The following AGBL1 variants were observed in gnomAD, a reference collection of about 807,000 sequenced individuals.
AGBL1 encodes cytosolic carboxypeptidase 4.
In AGBL1, 130 loss-of-function variants were observed where a neutral mutation model predicts 118.9. The observed-to-expected ratio is 1.09, with a 90% CI of 0.95 to 1.26. The LOEUF is 1.26. AGBL1 is among the 50% of genes most tolerant of loss of function. The pLI, the probability that AGBL1 is intolerant of heterozygous loss-of-function variation, is 0.00. For synonymous variants in AGBL1, 555 were observed against 478.9 expected (o/e 1.16, Z -2.08); for missense variants, 1,584 against 1,298.1 (o/e 1.22, Z -3.38).
intron 22 of AGBL1, among the ~76,000 whole-genome samples, chr15:86,753,797 C>T (rs1276427400): frequency 6.6e-6 from 1 of 152,100 alleles, no homozygotes; most frequent in Non-Finnish European, 1.5e-5. Flanking sequence ...AGGTTAAACT[C>T]TGAATGTCAG....
intron 21 of AGBL1, among the ~76,000 whole-genome samples, chr15:86,578,851 C>T (rs1474721780): frequency 6.6e-6 from 1 of 152,172 alleles, no homozygotes; most frequent in South Asian, 2.1e-4. Context: ...GTCCAACAAA[C>T]CTCTTTCTTT....
intron 5 of AGBL1, among the ~76,000 whole-genome samples, chr15:86,173,044 C>G (rs919194106): frequency 7.9e-5 from 12 of 151,958 alleles, no homozygotes; most frequent in African/African-American, 2.9e-4. Flanking sequence ...AACAGCCATT[C>G]TAACTAAAGT....
chr15:86,757,559 G>A (rs1011454137), intron 22 of AGBL1, among the ~76,000 whole-genome samples: 1 of 152,080 alleles, frequency 6.6e-6, no homozygotes, highest in Non-Finnish European at 1.5e-5. Flanking sequence ...GCTCAGTGGG[G>A]TTAAGTGACT....
chr15:86,110,534 G>GTCTTGC (rs1431300985), intron 1 of AGBL1, among the ~76,000 whole-genome samples: 1 of 152,068 alleles, frequency 6.6e-6, no homozygotes, highest in African/African-American at 2.4e-5. Context: ...GGCGGGGTTG[G>GTCTTGC]TCTTGCTGTC....
chr15:86,757,317 C>CT (rs1282430798), intron 22 of AGBL1, among the ~76,000 whole-genome samples: 2 of 152,016 alleles, frequency 1.3e-5, no homozygotes, highest in Non-Finnish European at 2.9e-5. Flanking sequence ...CACAGCACTG[C>CT]TACAGGTAGG....
chr15:86,574,631 G>T (rs901258793), intron 21 of AGBL1, among the ~76,000 whole-genome samples: 8 of 134,436 alleles, frequency 6.0e-5, no homozygotes, highest in African/African-American at 2.0e-4. Context: ...AGGCTGGAGT[G>T]CGATGGTGTG....
intron 24 of AGBL1, among the ~76,000 whole-genome samples, chr15:87,003,668 C>G (rs998345337): frequency 2.0e-5 from 3 of 150,102 alleles, no homozygotes; most frequent in Non-Finnish European, 3.0e-5. Flanking sequence ...TGTTATTGGT[C>G]TATTCAGAGA....
intron 22 of AGBL1, among the ~76,000 whole-genome samples, chr15:86,858,948 A>G (rs571699111): frequency 6.6e-6 from 1 of 152,264 alleles, no homozygotes; most frequent in South Asian, 2.1e-4. Flanking sequence ...CACCTTATGG[A>G]GAAGAATTAG....
intron 21 of AGBL1, among the ~76,000 whole-genome samples, chr15:86,663,098 C>T (rs2085575190): frequency 6.6e-6 from 1 of 152,152 alleles, no homozygotes; most frequent in Non-Finnish European, 1.5e-5. Flanking sequence ...CATTACAAGA[C>T]TTCCACACCT....
chr15:86,833,398 C>G (rs1168954441), intron 22 of AGBL1, among the ~76,000 whole-genome samples: 1 of 152,012 alleles, frequency 6.6e-6, no homozygotes, highest in Non-Finnish European at 1.5e-5. Flanking sequence ...GCTGGTTTTT[C>G]CCATGCTATT....
At position 86,913,256 on chromosome 15, in the gene AGBL1, G is replaced by C. The variant is rs1228312389; in HGVS notation, c.*5962G>C. The C allele has an allele frequency of 6.6e-6, 1 of 152,008 alleles. No individual in the cohort carries two copies. The highest frequency in any genetic ancestry group is 1.5e-5 in the Non-Finnish European group (1 of 68,040). The allele number at this position is 152,008 out of a possible 1,614,324, so 9.4% of individuals were successfully genotyped here. On this transcript the variant is annotated 3_prime_UTR_variant, in exon 23 of 23. Transcript: ENST00000614907. Reference sequence around the variant, plus strand: ...CACAGGGCTTTAAGCATAACAATGAGTGAGGGAAGGTTGATCCTCAGACAC... The same window carrying C: ...CACAGGGCTTTAAGCATAACAATGACTGAGGGAAGGTTGATCCTCAGACAC...
chr15:86,984,034 TCTTGGATAAGTACC>T (rs1159496861), intron 23 of AGBL1, among the ~76,000 whole-genome samples: 1 of 152,200 alleles, frequency 6.6e-6, no homozygotes, highest in Non-Finnish European at 1.5e-5. Flanking sequence ...ATTTTATTTC[TCTTGGATAAGTACC>T]CAGGGGAGAA....
At chr15:86,999,576 A>C (rs1400522164) in intron 24 of AGBL1, among the ~76,000 whole-genome samples, 2 of 149,044 alleles carry the variant, frequency 1.3e-5, no homozygotes, top group South Asian at 4.2e-4. Flanking sequence ...TTATGGCTGC[A>C]TAGTATTCCA....
chr15:86,376,235 G>A (rs905991311), intron 17 of AGBL1, among the ~76,000 whole-genome samples: 2 of 152,174 alleles, frequency 1.3e-5, no homozygotes, highest in Non-Finnish European at 2.9e-5. Context: ...GAAGGTCAGT[G>A]TTAGGGATAT....
chr15:86,988,206 CA>C, intron 24 of AGBL1: 2 of 1,264,044 alleles, frequency 1.6e-6, no homozygotes, highest in Non-Finnish European at 2.2e-6. Flanking sequence ...GGGCCAACAA[CA>C]AAAAAACAAC....
chr15:86,903,374 T>G (rs375620375), intron 22 of AGBL1, among the ~76,000 whole-genome samples: 1 of 152,180 alleles, frequency 6.6e-6, no homozygotes, highest in Non-Finnish European at 1.5e-5. Flanking sequence ...TCCCTACCTT[T>G]TTTTCTGGGA....
At chr15:86,486,788 A>G (rs1567019897) in intron 18 of AGBL1, among the ~76,000 whole-genome samples, 1 of 151,954 alleles carries the variant, frequency 6.6e-6, no homozygotes, top group Non-Finnish European at 1.5e-5. Context: ...CTCCCTGCTT[A>G]TGGACACTTG....
chr15:86,616,339 C>CAAAAAAAA lies in AGBL1; in HGVS notation c.2995-57908_2995-57901dup, dbSNP rs199936794. On this transcript the variant is annotated intron_variant, in intron 21 of 22. Coordinates refer to ENST00000614907, the MANE Select transcript of AGBL1 (RefSeq NM_001386094.1). ...GTGACAGAGCAAGACTCCTCCACTT[C>CAAAAAAAA]AAAAAAAAAAAAAAAAAAAAAAAAA... 7.2e-3 allele frequency among the ~76,000 whole-genome samples: 356 copies of CAAAAAAAA among 49,138 alleles called. 6 individuals carry two copies. The highest frequency in any genetic ancestry group is 0.025 in the African/African-American group (343 of 13,922). 32.2% of individuals were successfully genotyped at this position (49,138 alleles called of 152,430 possible).
intron 23 of AGBL1, among the ~76,000 whole-genome samples, chr15:86,951,820 T>C (rs531798655): frequency 6.6e-6 from 1 of 152,364 alleles, no homozygotes. Context: ...TCAAGCTCTA[T>C]TGTTAAGTGT....
Sources: allele counts gnomAD v4.1 joint callset (sites outside exome capture counted in the v4.1 genomes callset), GRCh38; gene constraint gnomAD v4.1.1; transcripts MANE v1.5; gene names NCBI Gene and HGNC (gene_info 2026-07-23, HGNC 2026-07-21).